KDM3B: variants seen among roughly 807,000 people sequenced by gnomAD.
KDM3B encodes lysine-specific demethylase 3B.
In KDM3B, 10 loss-of-function variants were observed where a neutral mutation model predicts 170.0. That is an observed-to-expected ratio of 0.06 (90% confidence interval 0.04 to 0.10). The LOEUF (loss-of-function observed/expected upper bound fraction) is 0.10, where lower values mean the gene tolerates loss of function less well. KDM3B is among the 10% of genes least tolerant of loss of function. KDM3B has a pLI of 1.00. For synonymous variants in KDM3B, 831 were observed against 834.8 expected, an observed-to-expected ratio of 1.00 and a Z score of 0.08; for missense variants, 1,394 against 2,195.2, an observed-to-expected ratio of 0.64 and a Z score of 7.29.
chr5:138,391,318 G>A lies in KDM3B; in HGVS notation c.1686G>A (p.Glu562=), dbSNP rs934084492. Residue 562 remains glutamate (E), a synonymous_variant, in exon 8 of 24, where the codon GAG becomes GAA. Coordinates refer to ENST00000314358, the MANE Select transcript of KDM3B (RefSeq NM_016604.4). The surrounding 1 kb of genome is among the most constrained non-coding windows in gnomAD (Gnocchi z 5.0). ...SSRDSFKQSL[E]SLSSGLCKGR... ...GGGACTCATTCAAACAAAGCCTTGA[G>A]AGCCTGAGCTCAGGCCTGTGTAAAG... 2 of 1,614,030 alleles carry A rather than the reference G, an allele frequency of 1.2e-6. No homozygotes were observed. Among genetic ancestry groups the A allele is most frequent in the African/African-American group, 1.3e-5 (1 of 74,910 alleles).
intron 23 of KDM3B, 131 bp from the exon 24 acceptor site, chr5:138,435,487 CTG>C: frequency 1.5e-6 from 1 of 658,964 alleles, no homozygotes; most frequent in Non-Finnish European, 2.7e-6. Flanking sequence ...TTGTAAATGA[CTG>C]TGGGGATTGA....
chr5:138,355,979 T>C (rs1430102088), intron 1 of KDM3B, among the ~76,000 whole-genome samples: 3 of 152,242 alleles, frequency 2.0e-5, no homozygotes, highest in Non-Finnish European at 1.5e-5. Flanking sequence ...GGTGTCCTAC[T>C]GCACAATATT....
At chr5:138,361,569 A>G (rs1392637480) in intron 1 of KDM3B, among the ~76,000 whole-genome samples, 1 of 152,182 alleles carries the variant, frequency 6.6e-6, no homozygotes, top group East Asian at 1.9e-4. Flanking sequence ...GACAAGGGAA[A>G]TTGGGTGTTG....
intron 1 of KDM3B, among the ~76,000 whole-genome samples, chr5:138,353,275 C>T (rs1761374779): frequency 1.3e-5 from 2 of 152,244 alleles, no homozygotes; most frequent in Admixed American, 6.5e-5. Flanking sequence ...CGGCGTTCCC[C>T]CCAACACGCC....
intron 2 of KDM3B, chr5:138,374,324 T>A (rs12522867): frequency 0.019 from 8,450 of 437,376 alleles, 110 homozygotes; most frequent in Non-Finnish European, 0.027. Context: ...GTGCAATGGC[T>A]CGATCTCGGC....
rs1455341790 is a variant in KDM3B, at chr5:138,417,519, G to A, written c.3344G>A (p.Arg1115Gln). The part of the protein sequence containing the change: ...YNIGDMVHAA[R>Q]GKWGIKANCP... ...ATTGGAGACATGGTACATGCTGCCCGGGGCAAGTGGGGAATTAAAGCAAAC... is the reference window on the plus strand; with the variant it reads ...ATTGGAGACATGGTACATGCTGCCCAGGGCAAGTGGGGAATTAAAGCAAAC... Residue 1115 changes from arginine (R) to glutamine (Q), a missense_variant, in exon 13 of 24, where the codon CGG (arginine) becomes CAG (glutamine). Around this residue, in one of 19 missense-constraint regions of KDM3B, gnomAD observed 1 missense variants for 18.8 expected, o/e 0.05. Transcript: ENST00000314358. The A allele has an allele frequency of 1.2e-6, 2 of 1,613,872 alleles. No homozygotes were observed. The highest frequency in any genetic ancestry group is 1.3e-5 in the African/African-American group (1 of 74,870).
intron 9 of KDM3B, among the ~76,000 whole-genome samples, chr5:138,393,947 G>A (rs868488720): frequency 2.0e-4 from 30 of 152,078 alleles, no homozygotes; most frequent in African/African-American, 5.1e-4. Flanking sequence ...AATCCAAATG[G>A]TTTACCAATA....
intron 12 of KDM3B, 102 bp downstream of exon 12, chr5:138,415,341 T>C (rs1763075261): frequency 1.7e-6 from 1 of 572,614 alleles, no homozygotes. Context: ...ATTTTTTCTT[T>C]TAAGCATCAT....
Position 138,435,845 on chromosome 5 carries a change from C to G in KDM3B, c.*145C>G, listed in dbSNP as rs13170677. 3.1e-6 allele frequency: 2 copies of G among 643,932 alleles called. No homozygotes were observed. Among genetic ancestry groups the G allele is most frequent in the Admixed American group, 2.5e-5 (1 of 39,854 alleles). 39.9% of individuals were successfully genotyped at this position (643,932 alleles called of 1,614,324 possible). On this transcript the variant is annotated 3_prime_UTR_variant, in exon 24 of 24. Transcript: ENST00000314358. ...TTCCAAACTCTCCAGCCACTCTCTTCTACGCTGCCTCAACACTGAAGGTTG... is the reference window on the plus strand; with the variant it reads ...TTCCAAACTCTCCAGCCACTCTCTTGTACGCTGCCTCAACACTGAAGGTTG...
In KDM3B at chr5:138,417,592, C is replaced by A; in HGVS notation, c.3417C>A (p.Val1139=). The A allele has an allele frequency of 6.2e-7, 1 of 1,614,058 alleles. No homozygotes were observed. The highest frequency in any genetic ancestry group is 8.5e-7 in the Non-Finnish European group (1 of 1,179,964). The change falls in exon 13 of 24, where the codon GTC becomes GTA. Residue 1139 remains valine, a synonymous_variant. Transcript: ENST00000314358. Reference sequence around the variant, plus strand: ...ACAAATCTGTATTGAGACCTGCCGTCACCAATGGGATGTCACAGGTAAACT... The same window carrying A: ...ACAAATCTGTATTGAGACCTGCCGTAACCAATGGGATGTCACAGGTAAACT... ...RQNKSVLRPA[V]TNGMSQLPSI... is the part of the protein sequence containing the mutation.
At chr5:138,386,795 T>A (rs1176118397) in intron 7 of KDM3B, among the ~76,000 whole-genome samples, 174 bp downstream of exon 7, 1 of 152,220 alleles carries the variant, frequency 6.6e-6, no homozygotes, top group Non-Finnish European at 1.5e-5. Context: ...TATAGTTTAA[T>A]AACTTTATCA....
intron 13 of KDM3B, among the ~76,000 whole-genome samples, chr5:138,418,173 A>C (rs1192739781): frequency 1.5e-5 from 2 of 137,296 alleles, no homozygotes; most frequent in East Asian, 5.1e-4. Flanking sequence ...TCTGCCTCCC[A>C]GGTTCAAGTG....
chr5:138,412,529 C>T (rs1446384661), intron 11 of KDM3B, among the ~76,000 whole-genome samples: 5 of 151,890 alleles, frequency 3.3e-5, no homozygotes, highest in Non-Finnish European at 1.5e-5. Context: ...TGGCTTTCAC[C>T]TGTGGTCCCA....
chr5:138,411,875 T>C (rs1272567658), intron 11 of KDM3B, among the ~76,000 whole-genome samples: 1 of 150,660 alleles, frequency 6.6e-6, no homozygotes, highest in Non-Finnish European at 1.5e-5. Context: ...AATTTTTTTG[T>C]ATTTTTAGTA....
In KDM3B at chr5:138,372,787, G is replaced by A. The variant is rs1360940681; in HGVS notation, c.306G>A (p.Glu102=). The change falls in exon 2 of 24, where the codon GAG becomes GAA. Residue 102 remains glutamate, a synonymous_variant. Transcript: ENST00000314358. ...LEGSLVWAPR[E]DPVLLQGIRV... is the part of the protein sequence containing the mutation. The stretch of plus-strand genomic sequence containing the variant: ...GGTCTCTTGTATGGGCGCCCCGTGA[G>A]GACCCAGTCCTTCTCCAGGGCATTC... 3 of 1,614,112 alleles carry A rather than the reference G, an allele frequency of 1.9e-6. No homozygotes were observed. Among genetic ancestry groups the A allele is most frequent in the African/African-American group, 1.3e-5 (1 of 75,040 alleles).
At position 138,352,827 on chromosome 5, in the gene KDM3B, A is replaced by G; in HGVS notation, c.32A>G (p.Lys11Arg). The G allele has an allele frequency of 7.5e-7, 1 of 1,342,166 alleles. No homozygotes were observed. Among genetic ancestry groups the G allele is most frequent in the Non-Finnish European group, 9.6e-7 (1 of 1,043,922 alleles). 83.1% of individuals were successfully genotyped at this position (1,342,166 alleles called of 1,614,324 possible). MADAAASPVG[K>R]RLLLLFADTA... ...GACGCGGCGGCCTCCCCGGTGGGCA[A>G]GCGGCTGCTGCTGCTGTTCGCGGAC... Residue 11 changes from lysine to arginine, a missense_variant, in exon 1 of 24, where the codon AAG becomes AGG. Physicochemically the swap from Lys to Arg is conservative, Grantham distance 26. This residue lies in a region of KDM3B where 99 missense variants were observed against 97.5 expected (regional missense o/e 1.02). Transcript: ENST00000314358.
chr5:138,386,229 A>T lies in KDM3B; in HGVS notation c.988A>T (p.Ser330Cys). The change falls in exon 7 of 24, where the codon AGT becomes TGT. Residue 330 changes from serine (S) to cysteine (C), a missense_variant. Physicochemically the swap from Ser to Cys is moderately radical, Grantham distance 112. This residue lies in a region of KDM3B where 205 missense variants were observed against 227.6 expected (regional missense o/e 0.90). Transcript: ENST00000314358. ...SRGPWKGGNA[S>C]GEPGLDQRAK... is the part of the protein sequence containing the mutation. The stretch of plus-strand genomic sequence containing the variant: ...AGGGCCCTGGAAAGGAGGGAATGCC[A>T]GTGGAGAGCCAGGGCTGGATCAGAG... The T allele has an allele frequency of 3.1e-6, 5 of 1,614,198 alleles. No homozygotes were observed. Among genetic ancestry groups the T allele is most frequent in the Non-Finnish European group, 4.2e-6 (5 of 1,180,042 alleles).
intron 2 of KDM3B, 80 bp from the exon 3 acceptor site, chr5:138,375,013 C>A (rs1416053784): frequency 5.1e-6 from 4 of 787,576 alleles, no homozygotes; most frequent in Non-Finnish European, 9.1e-6. Flanking sequence ...ATAATTATTT[C>A]TTTGAAGTTA....
intron 23 of KDM3B, among the ~76,000 whole-genome samples, chr5:138,432,570 G>A (rs767559181): frequency 2.6e-4 from 40 of 152,020 alleles, no homozygotes; most frequent in Non-Finnish European, 3.5e-4. Context: ...TTGAGAGGCT[G>A]AGGCAGGAGA....
Sources: gnomAD v4.1 joint callset for allele counts (sites outside exome capture counted in the v4.1 genomes callset) on GRCh38, gnomAD v4.1.1 for gene constraint, gnomAD v4.1.1 regional missense constraint, Gnocchi (gnomAD v3.1) non-coding constraint, MANE v1.5 for transcripts, NCBI Gene and HGNC (gene_info 2026-07-23, HGNC 2026-07-21) for gene names.